Variants in KALRN observed in about 807,000 individuals in gnomAD.
KALRN encodes the protein kalirin.
A neutral mutation model predicts 353.7 loss-of-function variants in KALRN; 70 were observed. That is an observed-to-expected ratio of 0.20 (90% CI 0.16 to 0.24). KALRN has a LOEUF of 0.24. Among genes scored for constraint, KALRN ranks in the 10% least tolerant of loss-of-function variants. The pLI is 1.00. For synonymous variants in KALRN, 1,391 were observed against 1,434.8 expected, an observed-to-expected ratio of 0.97 and a Z score of 0.69; for missense variants, 2,791 against 3,756.7, an observed-to-expected ratio of 0.74 and a Z score of 6.72.
At chr3:124,407,321 T>C (rs1453865026) in intron 13 of KALRN, among the ~76,000 whole-genome samples, 2 of 152,022 alleles carry the variant, frequency 1.3e-5, no homozygotes, top group Non-Finnish European at 2.9e-5. Flanking sequence ...TTCTTTTATA[T>C]ATATATATAT....
At chr3:124,241,128 G>C (rs539164461) in intron 3 of KALRN, among the ~76,000 whole-genome samples, 5 of 152,218 alleles carry the variant, frequency 3.3e-5, no homozygotes, top group Admixed American at 1.3e-4. Context: ...GCTACCTAGG[G>C]CTCCTCCCCA....
chr3:124,043,983 A>G (rs1317672), intron 1 of KALRN, among the ~76,000 whole-genome samples: 2,966 of 152,164 alleles, frequency 0.019, 87 homozygotes, highest in African/African-American at 0.066. Flanking sequence ...AGGGTACTGT[A>G]TCAGTGATGG....
chr3:124,124,075 T>G (rs1353629195), intron 1 of KALRN, among the ~76,000 whole-genome samples: 3 of 152,246 alleles, frequency 2.0e-5, no homozygotes, highest in Non-Finnish European at 4.4e-5. Context: ...TTCATAAGAC[T>G]ATTGCTGCCA....
chr3:124,076,020 G>T (rs1321214473), intron 1 of KALRN, among the ~76,000 whole-genome samples: 1 of 152,082 alleles, frequency 6.6e-6, no homozygotes, highest in African/African-American at 2.4e-5. Flanking sequence ...CCTTCCACAC[G>T]CCATCTCGCT....
intron 34 of KALRN, among the ~76,000 whole-genome samples, chr3:124,596,214 T>C (rs77415686): frequency 0.16 from 23,067 of 148,002 alleles, 1,920 homozygotes; most frequent in Middle Eastern, 0.19. Context: ...CCAGGTGCAG[T>C]AGCTCATGTC....
chr3:124,102,172 C>T (rs1194202053), intron 1 of KALRN, among the ~76,000 whole-genome samples: 1 of 151,900 alleles, frequency 6.6e-6, no homozygotes, highest in Non-Finnish European at 1.5e-5. Context: ...GTATATATAC[C>T]TATTAGAGTT....
chr3:124,587,689 C>G (rs911366447), intron 34 of KALRN, among the ~76,000 whole-genome samples: 1 of 130,696 alleles, frequency 7.7e-6, no homozygotes, highest in Admixed American at 7.5e-5. Context: ...CCTCCACCCC[C>G]ACCCTCCACT....
rs148691846 is a variant in KALRN at position 124,471,839 on chromosome 3, C to A, written c.4032-2824C>A. Among the ~76,000 whole-genome samples the A allele has an allele frequency of 1.1e-3, 167 of 151,722 alleles. 3 individuals carry two copies. In the East Asian group the frequency reaches 0.031, roughly 28 times the overall value. On this transcript the variant is annotated intron_variant, in intron 25 of 59. Coordinates refer to ENST00000682506, the MANE Select transcript of KALRN (RefSeq NM_001388419.1). The stretch of plus-strand genomic sequence containing the variant: ...AAAATTAGCCAGGCGTGGTGGCGGG[C>A]GCTTGCAGTCCCAGCTACTCGGGAG...
intron 5 of KALRN, among the ~76,000 whole-genome samples, chr3:124,297,573 C>T (rs965344481): frequency 2.2e-4 from 33 of 152,216 alleles, no homozygotes; most frequent in Non-Finnish European, 8.8e-5. Context: ...CTCTTCCCTT[C>T]CAGTCCGCAT....
intron 13 of KALRN, among the ~76,000 whole-genome samples, chr3:124,401,873 G>T (rs940168950): frequency 6.6e-6 from 1 of 152,188 alleles, no homozygotes; most frequent in South Asian, 2.1e-4. Flanking sequence ...TCAAATACCA[G>T]CTATGTCTCA....
chr3:124,239,443 T>C (rs1238851905), intron 3 of KALRN, among the ~76,000 whole-genome samples: 1 of 152,232 alleles, frequency 6.6e-6, no homozygotes, highest in Non-Finnish European at 1.5e-5. Flanking sequence ...AGTTGATGTA[T>C]CTGACACTTA....
intron 9 of KALRN, among the ~76,000 whole-genome samples, chr3:124,336,310 C>G (rs1001973285): frequency 2.0e-5 from 3 of 152,258 alleles, no homozygotes. Flanking sequence ...CTCCTGCCAT[C>G]TGGAGCTATC....
intron 34 of KALRN, among the ~76,000 whole-genome samples, chr3:124,629,606 C>T (rs561874058): frequency 1.2e-4 from 18 of 152,128 alleles, no homozygotes; most frequent in Admixed American, 1.0e-3. Context: ...TTTTGGAATT[C>T]CTTCACCCTT....
intron 58 of KALRN, among the ~76,000 whole-genome samples, chr3:124,715,063 G>C (rs188700705): frequency 1.4e-4 from 21 of 151,368 alleles, no homozygotes; most frequent in African/African-American, 4.4e-4. Context: ...TTTTGCCCTC[G>C]AGGAGTTACA....
intron 6 of KALRN, among the ~76,000 whole-genome samples, chr3:124,302,331 T>C (rs576238524): frequency 6.6e-6 from 1 of 152,258 alleles, no homozygotes; most frequent in South Asian, 2.1e-4. Context: ...GTAAGGGATG[T>C]TAGGACAGAG....
chr3:124,392,187 C>T (rs1388770324), intron 11 of KALRN, among the ~76,000 whole-genome samples: 2 of 151,926 alleles, frequency 1.3e-5, no homozygotes, highest in Non-Finnish European at 2.9e-5. Context: ...GTAGCTGGGG[C>T]TACAGGCATG....
At chr3:124,474,318 T>G (rs1159344535) in intron 25 of KALRN, among the ~76,000 whole-genome samples, 1 of 152,216 alleles carries the variant, frequency 6.6e-6, no homozygotes, top group Non-Finnish European at 1.5e-5. Flanking sequence ...CTATATTATT[T>G]AAAATATTTA....
chr3:124,147,192 T>C (rs889270478), intron 1 of KALRN, among the ~76,000 whole-genome samples: 1 of 152,152 alleles, frequency 6.6e-6, no homozygotes, highest in African/African-American at 2.4e-5. Flanking sequence ...CAAAGCCTAA[T>C]GGTTTATAAC....
At chr3:124,154,767 G>A (rs1237764672) in intron 1 of KALRN, among the ~76,000 whole-genome samples, 5 of 152,048 alleles carry the variant, frequency 3.3e-5, no homozygotes, top group Non-Finnish European at 5.9e-5. Context: ...CTACTTTAAA[G>A]TTCATATGGA....
Sources: gnomAD v4.1 joint callset for allele counts (sites outside exome capture counted in the v4.1 genomes callset) on GRCh38, gnomAD v4.1.1 for gene constraint, MANE v1.5 for transcripts, NCBI Gene and HGNC (gene_info 2026-07-23, HGNC 2026-07-21) for gene names.